The following NXPH1 variants were observed in gnomAD, a reference collection of about 807,000 sequenced individuals.
The protein encoded by NXPH1 is neurexophilin-1.
NXPH1 carries 5 observed loss-of-function variants against 23.7 expected under a neutral mutation model. The observed-to-expected ratio is 0.21, with a 90% CI of 0.11 to 0.44. The LOEUF is 0.44. NXPH1 is among the 20% of genes least tolerant of loss of function. The probability of loss-of-function intolerance (pLI) is 0.99; values close to 1 mark genes in which losing one functional copy is unlikely to be tolerated. For synonymous variants in NXPH1, 144 were observed against 122.2 expected, an observed-to-expected ratio of 1.18 and a Z score of -1.18; for missense variants, 324 against 321.6, an observed-to-expected ratio of 1.01 and a Z score of -0.06.
At chr7:8,511,204 T>G (rs186872649) in intron 2 of NXPH1, among the ~76,000 whole-genome samples, 320 of 152,274 alleles carry the variant, frequency 2.1e-3, no homozygotes, top group Non-Finnish European at 3.6e-3. Flanking sequence ...TAACAGGCAA[T>G]CTGGGGCATT....
At chr7:8,505,812 C>G (rs192886216) in intron 2 of NXPH1, among the ~76,000 whole-genome samples, 1 of 152,196 alleles carries the variant, frequency 6.6e-6, no homozygotes, top group Admixed American at 6.5e-5. Context: ...AAAATTGACT[C>G]TGAGGAGCAT....
chr7:8,681,447 T>C (rs1416222425), intron 2 of NXPH1, among the ~76,000 whole-genome samples: 2 of 152,150 alleles, frequency 1.3e-5, no homozygotes, highest in African/African-American at 4.8e-5. Context: ...ATGACATAAA[T>C]TGTAATATAT....
chr7:8,636,600 T>G (rs750467393), intron 2 of NXPH1, among the ~76,000 whole-genome samples: 1 of 152,136 alleles, frequency 6.6e-6, no homozygotes, highest in Non-Finnish European at 1.5e-5. Flanking sequence ...ATTTAGTGAG[T>G]ATGGCATCCC....
chr7:8,706,067 T>C (rs1779700538), intron 2 of NXPH1, among the ~76,000 whole-genome samples: 1 of 152,200 alleles, frequency 6.6e-6, no homozygotes, highest in South Asian at 2.1e-4. Context: ...GAGATACTTG[T>C]GGAACTTCTT....
intron 2 of NXPH1, among the ~76,000 whole-genome samples, chr7:8,474,048 C>G (rs1816920388): frequency 6.6e-6 from 1 of 152,094 alleles, no homozygotes; most frequent in African/African-American, 2.4e-5. Context: ...TACTCTGAAT[C>G]AAAAAGCCAG....
intron 2 of NXPH1, among the ~76,000 whole-genome samples, chr7:8,549,950 G>A (rs1818252917): frequency 6.6e-6 from 1 of 151,510 alleles, no homozygotes; most frequent in South Asian, 2.1e-4. Context: ...GACACACTAA[G>A]CACTGAACAG....
At chr7:8,493,048 A>G (rs1454007600) in intron 2 of NXPH1, among the ~76,000 whole-genome samples, 1 of 151,970 alleles carries the variant, frequency 6.6e-6, no homozygotes, top group Non-Finnish European at 1.5e-5. Context: ...GTCCCTCAGG[A>G]TCTTATCTTG....
chr7:8,725,363 G>C (rs150296901), intron 2 of NXPH1, among the ~76,000 whole-genome samples: 6 of 151,882 alleles, frequency 4.0e-5, no homozygotes. Context: ...GGTGGTGGGC[G>C]CCTGTAGTCC....
chr7:8,624,456 A>G (rs920353589), intron 2 of NXPH1, among the ~76,000 whole-genome samples: 1 of 152,100 alleles, frequency 6.6e-6, no homozygotes, highest in Non-Finnish European at 1.5e-5. Flanking sequence ...ATGAGTAAAG[A>G]AGTGTGCAAA....
intron 2 of NXPH1, among the ~76,000 whole-genome samples, chr7:8,464,464 C>T: frequency 6.6e-6 from 1 of 152,108 alleles, no homozygotes; most frequent in East Asian, 1.9e-4. Flanking sequence ...GTCTTTTTAC[C>T]CCACTACACT....
intron 2 of NXPH1, among the ~76,000 whole-genome samples, chr7:8,594,640 G>A (rs371278160): frequency 8.6e-5 from 13 of 152,046 alleles, no homozygotes; most frequent in East Asian, 3.9e-4. Flanking sequence ...TGAGGACTTG[G>A]GGGGAAGAGA....
chr7:8,520,109 G>A (rs1327441511), intron 2 of NXPH1, among the ~76,000 whole-genome samples: 4 of 151,868 alleles, frequency 2.6e-5, no homozygotes, highest in Admixed American at 6.6e-5. Flanking sequence ...TGAGAAATAC[G>A]GATTGAAAAA....
intron 2 of NXPH1, among the ~76,000 whole-genome samples, chr7:8,706,434 T>C (rs542895020): frequency 2.8e-4 from 42 of 152,318 alleles, no homozygotes; most frequent in African/African-American, 9.9e-4. Context: ...TGGGGGAATT[T>C]CTTAGGAATA....
intron 2 of NXPH1, among the ~76,000 whole-genome samples, chr7:8,494,213 A>ATT (rs141332633): frequency 3.3e-5 from 5 of 151,554 alleles, no homozygotes; most frequent in Admixed American, 6.6e-5. Flanking sequence ...TAGGAGAATG[A>ATT]TTTTTTTTGG....
At chr7:8,443,182 C>T (rs754567737) in intron 2 of NXPH1, among the ~76,000 whole-genome samples, 1 of 152,250 alleles carries the variant, frequency 6.6e-6, no homozygotes, top group East Asian at 1.9e-4. Context: ...TCTCTAGGTC[C>T]CCAGCATGAC....
intron 2 of NXPH1, among the ~76,000 whole-genome samples, chr7:8,620,281 C>T (rs771916172): frequency 1.4e-4 from 21 of 152,192 alleles, no homozygotes; most frequent in Non-Finnish European, 2.8e-4. Context: ...AGTCTGCATT[C>T]ATCCACCTCT....
At chr7:8,715,003 G>A (rs1046055623) in intron 2 of NXPH1, among the ~76,000 whole-genome samples, 5 of 152,190 alleles carry the variant, frequency 3.3e-5, no homozygotes, top group Non-Finnish European at 5.9e-5. Context: ...GCCCAGCACA[G>A]CACTAGGACT....
chr7:8,702,907 G>T (rs527742106), intron 2 of NXPH1, among the ~76,000 whole-genome samples: 1 of 151,930 alleles, frequency 6.6e-6, no homozygotes, highest in Non-Finnish European at 1.5e-5. Context: ...TATTGCCTCT[G>T]GGCTCTAAAA....
At chr7:8,531,349 T>C (rs1169790701) in intron 2 of NXPH1, among the ~76,000 whole-genome samples, 5 of 152,328 alleles carry the variant, frequency 3.3e-5, no homozygotes, top group East Asian at 1.9e-4. Flanking sequence ...TACATAATAA[T>C]GTCATACTCT....
Sources: allele counts gnomAD v4.1 joint callset (sites outside exome capture counted in the v4.1 genomes callset), GRCh38; gene constraint gnomAD v4.1.1; transcripts MANE v1.5; gene names NCBI Gene and HGNC (gene_info 2026-07-23, HGNC 2026-07-21).